SMAP2: variants seen among roughly 807,000 people sequenced by gnomAD.
The protein encoded by SMAP2 is small ArfGAP2, also known as stromal membrane-associated protein 2.
SMAP2 carries 25 observed loss-of-function variants against 56.4 expected under a neutral mutation model. The ratio of observed to expected loss-of-function variants is 0.44; its 90% CI spans 0.32 to 0.62. The LOEUF is 0.62. Among genes scored for constraint, SMAP2 ranks in the 20% least tolerant of loss-of-function variants. The pLI, the probability that SMAP2 is intolerant of heterozygous loss-of-function variation, is 0.04. For missense variants in SMAP2, 388 were observed against 545.6 expected (o/e 0.71, Z 2.88); for synonymous variants, 157 against 181.7 (o/e 0.86, Z 1.09).
intron 1 of SMAP2, among the ~76,000 whole-genome samples, chr1:40,357,123 T>A (rs184005392): frequency 2.7e-5 from 4 of 149,610 alleles, no homozygotes. Flanking sequence ...GGTTGTCTCT[T>A]CATTTTGTTG....
chr1:40,398,505 A>G (rs1279756938), intron 1 of SMAP2, among the ~76,000 whole-genome samples: 1 of 152,244 alleles, frequency 6.6e-6, no homozygotes, highest in East Asian at 1.9e-4. Flanking sequence ...AGAGGCTCCA[A>G]AATTTTTCCC....
intron 8 of SMAP2, 41 bp from the exon 9 acceptor site, chr1:40,416,739 T>C (rs763922705): frequency 1.3e-6 from 2 of 1,561,384 alleles, no homozygotes; most frequent in Non-Finnish European, 1.7e-6. Flanking sequence ...ACTTTATGTT[T>C]TTCCCTCTTT....
upstream of SMAP2, chr1:40,373,712 C>T (rs1303551265): frequency 6.0e-6 from 1 of 166,838 alleles, no homozygotes; most frequent in Admixed American, 6.4e-5. Flanking sequence ...GGAAGAGCTG[C>T]CGGAAGTAGG....
Position 40,374,346 on chromosome 1 carries a change from C to T in SMAP2, c.103+123C>T. 1.2e-6 allele frequency: 1 copy of T among 829,028 alleles called. No individual in the cohort carries two copies. Among genetic ancestry groups the T allele is most frequent in the Non-Finnish European group, 2.0e-6 (1 of 498,128 alleles). The allele number at this position is 829,028 out of a possible 1,614,324, so 51.4% of individuals were successfully genotyped here. A position where few individuals can be genotyped will look rare whatever the true frequency, so the allele number is the denominator to read the frequency against. On this transcript the variant is annotated intron_variant, in intron 1 of 9. Coordinates refer to ENST00000372718, the MANE Select transcript of SMAP2 (RefSeq NM_022733.3). The surrounding 1 kb of genome is among the most constrained non-coding windows in gnomAD (Gnocchi z 5.9). Reference sequence around the variant, plus strand: ...CTCGGCTTATAAGTGGTAACGCGTGCTGCGCTTGCAGTGAGCCTACTGGGC... The same window carrying T: ...CTCGGCTTATAAGTGGTAACGCGTGTTGCGCTTGCAGTGAGCCTACTGGGC...
At chr1:40,387,735 T>G (rs910103067) in intron 1 of SMAP2, among the ~76,000 whole-genome samples, 2 of 152,178 alleles carry the variant, frequency 1.3e-5, no homozygotes, top group African/African-American at 4.8e-5. Context: ...CTCCTCGGCC[T>G]TGGCACCCAC....
At position 40,384,606 on chromosome 1, in the gene SMAP2, G is replaced by C. The variant is rs115376710; in HGVS notation, c.103+10383G>C. Among the ~76,000 whole-genome samples the C allele has an allele frequency of 3.2e-3, 493 of 152,290 alleles. 2 individuals carry two copies. The highest frequency in any genetic ancestry group is 0.012 in the African/African-American group (481 of 41,554). ...GAACTAGGCCAGCAGAGTTTTCAGTGCAGTGTGAGTATGTTTGCTTTTAGG... is the reference window on the plus strand; with the variant it reads ...GAACTAGGCCAGCAGAGTTTTCAGTCCAGTGTGAGTATGTTTGCTTTTAGG... On this transcript the variant is annotated intron_variant, in intron 1 of 9. Transcript: ENST00000372718.
intron 1 of SMAP2, among the ~76,000 whole-genome samples, chr1:40,345,868 A>ATATTGTATTG (rs1400637464): frequency 8.8e-6 from 1 of 113,320 alleles, no homozygotes; most frequent in Non-Finnish European, 1.8e-5. Flanking sequence ...ATATTATATT[A>ATATTGTATTG]TATTGTATTA....
intron 1 of SMAP2, among the ~76,000 whole-genome samples, chr1:40,393,101 CA>C (rs11380652): frequency 1.5e-4 from 21 of 144,042 alleles, no homozygotes; most frequent in East Asian, 8.0e-4. Flanking sequence ...GAATCCATCT[CA>C]AAAAAAAAAA....
rs150375527 is a variant in SMAP2, at chr1:40,398,719, G to C, written c.104-8017G>C. 3.4e-3 allele frequency among the ~76,000 whole-genome samples: 525 copies of C among 152,186 alleles called. 3 individuals carry two copies. The highest frequency in any genetic ancestry group is 0.012 in the African/African-American group (499 of 41,518). On this transcript the variant is annotated intron_variant, in intron 1 of 9. Coordinates refer to ENST00000372718, the MANE Select transcript of SMAP2 (RefSeq NM_022733.3). ...GGGTGTCAATATGTTGCCCAGGCTG[G>C]CCTCAAACTCCTGGGCTCAAGTGAT...
At chr1:40,396,408 C>T (rs1301802047) in intron 1 of SMAP2, among the ~76,000 whole-genome samples, 3 of 152,150 alleles carry the variant, frequency 2.0e-5, no homozygotes, top group Non-Finnish European at 4.4e-5. Flanking sequence ...GTCCTTTCCA[C>T]CTCTGATTTT....
chr1:40,408,531 A>G lies in SMAP2; in HGVS notation c.238-122A>G. The G allele has an allele frequency of 1.5e-6, 1 of 686,698 alleles. No individual in the cohort carries two copies. The highest frequency in any genetic ancestry group is 2.7e-5 in the Admixed American group (1 of 37,424). 42.5% of individuals were successfully genotyped at this position (686,698 alleles called of 1,614,324 possible). ...TTGGAAATCAGAATACACAAGTTTA[A>G]ATGTTGGTTCTGACACTCTCTAGGT... is the stretch of plus-strand genomic sequence containing the variant. On this transcript the variant is annotated intron_variant, in intron 2 of 9. Coordinates refer to ENST00000372718, the MANE Select transcript of SMAP2 (RefSeq NM_022733.3). The surrounding 1 kb of genome is among the most constrained non-coding windows in gnomAD (Gnocchi z 4.3).
At chr1:40,416,479 G>A (rs1644988352) in intron 8 of SMAP2, 138 bp downstream of exon 8, 4 of 920,244 alleles carry the variant, frequency 4.3e-6, no homozygotes, top group African/African-American at 1.7e-5. Context: ...CATGACCAAC[G>A]TATCAGCAGA....
intron 2 of SMAP2, among the ~76,000 whole-genome samples, chr1:40,407,572 A>G (rs1644897501): frequency 1.3e-5 from 2 of 152,222 alleles, no homozygotes; most frequent in Non-Finnish European, 1.5e-5. Flanking sequence ...ACTAAAATGC[A>G]TACATGAATC....
At chr1:40,399,773 A>T (rs192726448) in intron 1 of SMAP2, among the ~76,000 whole-genome samples, 3 of 119,974 alleles carry the variant, frequency 2.5e-5, no homozygotes, top group Admixed American at 7.9e-5. Flanking sequence ...CATAACCTTT[A>T]AAAAAAAAGT....
chr1:40,356,944 T>C (rs1644438907), intron 1 of SMAP2, among the ~76,000 whole-genome samples: 1 of 152,236 alleles, frequency 6.6e-6, no homozygotes, highest in Non-Finnish European at 1.5e-5. Flanking sequence ...CATATACCTA[T>C]TTGACCTTTG....
At chr1:40,396,706 G>C (rs1358709643) in intron 1 of SMAP2, 4 of 352,542 alleles carry the variant, frequency 1.1e-5, no homozygotes, top group Non-Finnish European at 1.6e-5. Context: ...GAAGTTCAAA[G>C]TTACTGTTTA....
intron 1 of SMAP2, among the ~76,000 whole-genome samples, chr1:40,399,491 CTT>C (rs1175925694): frequency 5.7e-5 from 8 of 140,900 alleles, no homozygotes; most frequent in Admixed American, 2.8e-4. Context: ...CTTTCTTTCT[CTT>C]TTTTTTTTTT....
intron 1 of SMAP2, among the ~76,000 whole-genome samples, chr1:40,398,934 C>T (rs116091084): frequency 1.5e-4 from 23 of 152,166 alleles, no homozygotes; most frequent in Admixed American, 2.6e-4. Context: ...CATAGTTAAG[C>T]GGGAAAGACA....
At chr1:40,345,002 C>A (rs944136503) in intron 1 of SMAP2, 1 of 149,368 alleles carries the variant, frequency 6.7e-6, no homozygotes, top group Admixed American at 6.7e-5. Flanking sequence ...TTCTTTCTTT[C>A]ATCAGGTGTA....
Sources: allele counts gnomAD v4.1 joint callset (sites outside exome capture counted in the v4.1 genomes callset), GRCh38; gene constraint gnomAD v4.1.1; non-coding constraint Gnocchi (gnomAD v3.1); transcripts MANE v1.5; gene names NCBI Gene and HGNC (gene_info 2026-07-23, HGNC 2026-07-21).